BAIAP2: variants seen among roughly 807,000 people sequenced by gnomAD.
BAIAP2 encodes the protein BAR/IMD domain containing adaptor protein 2.
Under a neutral mutation model 63.0 loss-of-function variants are expected in BAIAP2, and 18 were observed. The ratio of observed to expected loss-of-function variants is 0.29; its 90% CI spans 0.20 to 0.42. BAIAP2 has a LOEUF of 0.42. BAIAP2 is among the 10% of genes least tolerant of loss of function. The probability of loss-of-function intolerance (pLI) is 1.00; values close to 1 mark genes in which losing one functional copy is unlikely to be tolerated. For missense variants in BAIAP2, 610 were observed against 734.3 expected (o/e 0.83, Z 1.96); for synonymous variants, 386 against 307.6 (o/e 1.25, Z -2.67).
In BAIAP2 at chr17:81,046,469, C is replaced by T. The variant is rs1042873522; in HGVS notation, c.55-7199C>T. Reference sequence around the variant, plus strand: ...GTCCACACCACTCCAGCCAGGCTTCCTTCACACCCCCACAGCCCCCACTCC... The same window carrying T: ...GTCCACACCACTCCAGCCAGGCTTCTTTCACACCCCCACAGCCCCCACTCC... On this transcript the variant is annotated intron_variant, in intron 1 of 13. Transcript: ENST00000428708. The surrounding 1 kb of genome is among the most constrained non-coding windows in gnomAD (Gnocchi z 4.5). 1.1e-4 allele frequency among the ~76,000 whole-genome samples: 16 copies of T among 152,226 alleles called. No individual in the cohort carries two copies. The highest frequency in any genetic ancestry group is 2.6e-4 in the Admixed American group (4 of 15,302).
chr17:81,066,134 G>C (rs970688687), intron 3 of BAIAP2, among the ~76,000 whole-genome samples: 1 of 152,258 alleles, frequency 6.6e-6, no homozygotes, highest in Admixed American at 6.5e-5. Context: ...CATCTCTGGA[G>C]GCCTCTGGTG....
At chr17:81,076,191 C>G (rs2144985758) in intron 3 of BAIAP2, 1 of 152,354 alleles carries the variant, frequency 6.6e-6, no homozygotes, top group East Asian at 1.9e-4. Flanking sequence ...CTGTTACCAT[C>G]TGCAGCTTAA....
chr17:81,100,135 ACCCAGGCCCCTGCCCCAGC>A (rs2058288472), intron 7 of BAIAP2, 55 bp downstream of exon 7: 2 of 1,553,554 alleles, frequency 1.3e-6, no homozygotes, highest in Admixed American at 1.9e-5. Flanking sequence ...GGCAGAAATG[ACCCAGGCCCCTGCCCCAGC>A]CCCAGCCCCG....
chr17:81,103,753 G>C (rs1043838592), intron 8 of BAIAP2, 30 bp downstream of exon 8: 4 of 1,572,824 alleles, frequency 2.5e-6, no homozygotes, highest in East Asian at 4.5e-5. Context: ...AAAGCTTCAC[G>C]GGTGTGGGTG....
Position 81,057,969 on chromosome 17 carries a change from T to TGCGGGGGGGGGG in BAIAP2, c.217+3_217+4insCGGGGGGGGGGG. The TGCGGGGGGGGGG allele has an allele frequency of 2.1e-6, 2 of 964,854 alleles. No individual in the cohort carries two copies. The highest frequency in any genetic ancestry group is 2.8e-6 in the Non-Finnish European group (2 of 713,576). The allele number at this position is 964,854 out of a possible 1,614,324, so 59.8% of individuals were successfully genotyped here. A position where few individuals can be genotyped will look rare whatever the true frequency, so the allele number is the denominator to read the frequency against. On this transcript the variant is annotated splice_region_variant and intron_variant, in intron 3 of 13. Coordinates refer to ENST00000428708, the MANE Select transcript of BAIAP2 (RefSeq NM_001144888.2). ...AGAGCCAGGGCTCCAAAGAACTCGGTGAGACCCCCCCCCCCCCCCCGCCTG... is the reference window on the plus strand; with the variant it reads ...AGAGCCAGGGCTCCAAAGAACTCGGTGCGGGGGGGGGGGAGACCCCCCCCCCCCCCCCGCCTG...
intron 1 of BAIAP2, among the ~76,000 whole-genome samples, chr17:81,041,227 T>C (rs542960512): frequency 8.5e-5 from 13 of 152,360 alleles, no homozygotes; most frequent in African/African-American, 2.9e-4. Context: ...CCTGGCCATA[T>C]GACCTTGGCC....
In BAIAP2 at chr17:81,046,863, C is replaced by T. The variant is rs1028261299; in HGVS notation, c.55-6805C>T. The stretch of plus-strand genomic sequence containing the variant: ...CCAGAGTCGTGGGTGCTGTGAGGTC[C>T]GTGTCTGTGTGTGGGGTCCTCATGC... On this transcript the variant is annotated intron_variant, in intron 1 of 13. Coordinates refer to ENST00000428708, the MANE Select transcript of BAIAP2 (RefSeq NM_001144888.2). The surrounding 1 kb of genome is among the most constrained non-coding windows in gnomAD (Gnocchi z 4.5). Among the ~76,000 whole-genome samples the T allele has an allele frequency of 1.3e-5, 2 of 152,032 alleles. No homozygotes were observed. Among genetic ancestry groups the T allele is most frequent in the Admixed American group, 6.5e-5 (1 of 15,274 alleles).
chr17:81,055,026 G>A (rs941656810), intron 2 of BAIAP2, among the ~76,000 whole-genome samples: 3 of 152,202 alleles, frequency 2.0e-5, no homozygotes, highest in South Asian at 2.1e-4. Context: ...CCCCAGCAGG[G>A]AGGAGATCGT....
intron 3 of BAIAP2, among the ~76,000 whole-genome samples, chr17:81,076,844 C>T (rs1245750270): frequency 6.6e-6 from 1 of 152,062 alleles, no homozygotes; most frequent in Admixed American, 6.5e-5. Context: ...GGTGGCACAC[C>T]CCTGTAGTCC....
chr17:81,040,647 T>C (rs1598480102), intron 1 of BAIAP2, among the ~76,000 whole-genome samples: 1 of 152,386 alleles, frequency 6.6e-6, no homozygotes, highest in East Asian at 1.9e-4. Flanking sequence ...GGAGCATTCA[T>C]GCTTGAATCA....
Position 81,103,633 on chromosome 17 carries a change from G to A in BAIAP2, c.774G>A (p.Leu258=), listed in dbSNP as rs1221466299. The A allele has an allele frequency of 2.5e-6, 4 of 1,605,888 alleles. No homozygotes were observed. Among genetic ancestry groups the A allele is most frequent in the Admixed American group, 1.7e-5 (1 of 59,838 alleles). The part of the protein sequence containing the change: ...ASNGATLPSA[L]SASKSNLVIS... ...ACGGCGCCACCCTCCCCAGCGCCCTGTCGGCCTCCAAGTCCAACCTGGTCA... is the reference window on the plus strand; with the variant it reads ...ACGGCGCCACCCTCCCCAGCGCCCTATCGGCCTCCAAGTCCAACCTGGTCA... Residue 258 remains leucine, a synonymous_variant, in exon 8 of 14, where the codon CTG becomes CTA. Transcript: ENST00000428708.
rs1426778204 is a variant in BAIAP2, at chr17:81,103,909, G to A, written c.867G>A (p.Arg289=). 2 of 1,612,794 alleles carry A rather than the reference G, an allele frequency of 1.2e-6. No homozygotes were observed. Among genetic ancestry groups the A allele is most frequent in the African/African-American group, 1.3e-5 (1 of 74,934 alleles). Residue 289 remains arginine, a splice_region_variant and synonymous_variant, in exon 9 of 14, where the codon CGG becomes CGA. Transcript: ENST00000428708. ...CTGCTCTGCCTGCTTCCCTGCAGCG[G>A]ATGTCTGCCCAGGAGAGCACACCCA... is the stretch of plus-strand genomic sequence containing the variant. ...VPPELAPFVG[R]MSAQESTPIM... is the part of the protein sequence containing the mutation.
At chr17:81,052,122 C>T (rs1010693389) in intron 1 of BAIAP2, among the ~76,000 whole-genome samples, 1 of 152,220 alleles carries the variant, frequency 6.6e-6, no homozygotes, top group Non-Finnish European at 1.5e-5. Context: ...GGGCCCCTTC[C>T]ACCCTCACGC....
At chr17:81,103,382 C>A in intron 7 of BAIAP2, 120 bp from the exon 8 acceptor site, 1 of 957,274 alleles carries the variant, frequency 1.0e-6, no homozygotes, top group South Asian at 1.5e-5. Context: ...CGAGAGGTAC[C>A]ACCTGGTGAA....
chr17:81,086,610 C>T (rs2055686937), intron 6 of BAIAP2, 30 bp downstream of exon 6: 3 of 1,611,006 alleles, frequency 1.9e-6, no homozygotes, highest in East Asian at 2.2e-5. Flanking sequence ...TGTGGTGCCT[C>T]TCCTGCCACC....
At chr17:81,082,913 T>C in intron 3 of BAIAP2, 1 of 152,416 alleles carries the variant, frequency 6.6e-6, no homozygotes. Context: ...TGGCCTACTC[T>C]GTCTGCTCAT....
chr17:81,069,455 C>T (rs543024446), intron 3 of BAIAP2, among the ~76,000 whole-genome samples: 17 of 152,206 alleles, frequency 1.1e-4, no homozygotes, highest in African/African-American at 3.9e-4. Flanking sequence ...GAGTGGTCCA[C>T]GGGGCGGCCG....
In BAIAP2 at chr17:81,065,604, C is replaced by A. The variant is rs113011921; in HGVS notation, c.217+7637C>A. The stretch of plus-strand genomic sequence containing the variant: ...TCCTGTGACTGCACTCCTGAGCACA[C>A]CCCTCCACCCCCTTGCTGCTGACAG... On this transcript the variant is annotated intron_variant, in intron 3 of 13. Coordinates refer to ENST00000428708, the MANE Select transcript of BAIAP2 (RefSeq NM_001144888.2). 5.0e-3 allele frequency among the ~76,000 whole-genome samples: 761 copies of A among 152,348 alleles called. 10 individuals carry two copies. The highest frequency in any genetic ancestry group is 0.018 in the African/African-American group (735 of 41,574).
intron 11 of BAIAP2, 95 bp from the exon 12 acceptor site, chr17:81,106,650 G>A: frequency 7.5e-6 from 11 of 1,463,992 alleles, no homozygotes; most frequent in Non-Finnish European, 9.4e-6. Flanking sequence ...TGTGGCGTGG[G>A]CTAGGTGAGG....
Sources: gnomAD v4.1 joint callset for allele counts (sites outside exome capture counted in the v4.1 genomes callset) on GRCh38, gnomAD v4.1.1 for gene constraint, Gnocchi (gnomAD v3.1) non-coding constraint, MANE v1.5 for transcripts, NCBI Gene and HGNC (gene_info 2026-07-23, HGNC 2026-07-21) for gene names.